CSMD1: variants seen among roughly 807,000 people sequenced by gnomAD.
CSMD1 encodes the protein CUB and sushi domain-containing protein 1.
A neutral mutation model predicts 417.5 loss-of-function variants in CSMD1; 213 were observed. The ratio of observed to expected loss-of-function variants is 0.51; its 90% confidence interval spans 0.46 to 0.57. The LOEUF (loss-of-function observed/expected upper bound fraction) is 0.57, where lower values mean the gene tolerates loss of function less well. Ranked by LOEUF, CSMD1 falls within the 20% of genes least tolerant of loss-of-function variation. The probability of loss-of-function intolerance (pLI) is 0.00; values close to 1 mark genes in which losing one functional copy is unlikely to be tolerated. For synonymous variants in CSMD1, 2,862 were observed against 1,736.8 expected, an observed-to-expected ratio of 1.65 and a Z score of -16.11; for missense variants, 6,923 against 4,529.7, an observed-to-expected ratio of 1.53 and a Z score of -15.17.
intron 5 of CSMD1, among the ~76,000 whole-genome samples, chr8:3,828,142 T>C (rs186699431): frequency 4.3e-4 from 65 of 152,284 alleles, no homozygotes; most frequent in South Asian, 1.7e-3. Flanking sequence ...AACATCCTAA[T>C]TGAAAGTCAC....
At chr8:3,201,114 T>G (rs1796968711) in intron 32 of CSMD1, among the ~76,000 whole-genome samples, 1 of 152,192 alleles carries the variant, frequency 6.6e-6, no homozygotes. Flanking sequence ...AGTTGTGAAA[T>G]AACATTCCAT....
intron 5 of CSMD1, among the ~76,000 whole-genome samples, chr8:3,981,433 A>G (rs1394108063): frequency 6.6e-6 from 1 of 151,066 alleles, no homozygotes. Flanking sequence ...GATCTCACAA[A>G]TCACCGCTAA....
At chr8:3,368,330 T>C (rs13259235) in intron 19 of CSMD1, among the ~76,000 whole-genome samples, 36,058 of 151,978 alleles carry the variant, frequency 0.24, 4,387 homozygotes, top group African/African-American at 0.3. Flanking sequence ...AAATTCCAAA[T>C]AGACTCTTGT....
At chr8:4,032,647 A>C (rs1300045642) in intron 3 of CSMD1, among the ~76,000 whole-genome samples, 1 of 152,238 alleles carries the variant, frequency 6.6e-6, no homozygotes, top group African/African-American at 2.4e-5. Flanking sequence ...GCATTGATCC[A>C]TCAATGTATA....
chr8:3,754,733 G>A (rs1797560283), intron 5 of CSMD1, among the ~76,000 whole-genome samples: 1 of 152,200 alleles, frequency 6.6e-6, no homozygotes, highest in Non-Finnish European at 1.5e-5. Context: ...TGGATTACAA[G>A]CGTGAGCCAC....
chr8:3,784,917 A>C (rs1292540553), intron 5 of CSMD1, among the ~76,000 whole-genome samples: 1 of 152,206 alleles, frequency 6.6e-6, no homozygotes, highest in Non-Finnish European at 1.5e-5. Flanking sequence ...TTTGTGGTCA[A>C]AACAAGTTTC....
intron 3 of CSMD1, among the ~76,000 whole-genome samples, chr8:4,181,811 A>G (rs529852047): frequency 3.6e-4 from 55 of 152,378 alleles, no homozygotes; most frequent in Non-Finnish European, 6.2e-4. Flanking sequence ...ACTATGCAGC[A>G]AATGCAAATG....
At chr8:3,216,198 G>C (rs1187322242) in intron 29 of CSMD1, among the ~76,000 whole-genome samples, 1 of 151,922 alleles carries the variant, frequency 6.6e-6, no homozygotes, top group Non-Finnish European at 1.5e-5. Context: ...TAAAATGGTA[G>C]CTGACATGTT....
chr8:3,665,251 T>C (rs1483338766), intron 7 of CSMD1, among the ~76,000 whole-genome samples: 1 of 152,178 alleles, frequency 6.6e-6, no homozygotes, highest in East Asian at 1.9e-4. Context: ...CCAGGCACAG[T>C]GGCTCACATC....
In CSMD1 at chr8:3,465,736, A is replaced by G. The variant is rs528327712; in HGVS notation, c.1561+2976T>C. ...GGCCTTTGGTAATGAGTGAGGTTAC[A>G]ATGATAGCTACTTTCTTAGGATGGA... is the stretch of plus-strand genomic sequence containing the variant. On this transcript the variant is annotated intron_variant, in intron 12 of 69. Transcript: ENST00000635120. Among the ~76,000 whole-genome samples, 16 of 152,312 alleles carry G rather than the reference A, an allele frequency of 1.1e-4. No homozygotes were observed. In the South Asian group the frequency reaches 2.9e-3, roughly 28 times the overall value.
intron 37 of CSMD1, among the ~76,000 whole-genome samples, chr8:3,174,139 G>T (rs1820758051): frequency 1.3e-5 from 2 of 152,198 alleles, no homozygotes; most frequent in South Asian, 4.1e-4. Context: ...GTAATCATCA[G>T]CACAGCGAAC....
At chr8:3,444,714 G>T (rs1331040609) in intron 12 of CSMD1, among the ~76,000 whole-genome samples, 2 of 152,106 alleles carry the variant, frequency 1.3e-5, no homozygotes, top group African/African-American at 4.8e-5. Flanking sequence ...TTCCTATTCT[G>T]AATGTAATAT....
intron 10 of CSMD1, among the ~76,000 whole-genome samples, chr8:3,529,886 G>T (rs953569590): frequency 6.6e-6 from 1 of 152,152 alleles, no homozygotes; most frequent in Non-Finnish European, 1.5e-5. Context: ...AGCAGGGCAA[G>T]CTGCTTATGG....
intron 21 of CSMD1, among the ~76,000 whole-genome samples, chr8:3,353,919 C>T (rs770610850): frequency 5.9e-5 from 9 of 152,092 alleles, no homozygotes; most frequent in Non-Finnish European, 5.9e-5. Context: ...TCAGTCAATT[C>T]TTCTGTACAA....
intron 1 of CSMD1, among the ~76,000 whole-genome samples, chr8:4,777,448 G>A (rs745561634): frequency 6.6e-6 from 1 of 152,046 alleles, no homozygotes; most frequent in Non-Finnish European, 1.5e-5. Flanking sequence ...CAATTGTTAG[G>A]GACAGATGTG....
intron 5 of CSMD1, among the ~76,000 whole-genome samples, chr8:3,816,178 T>C (rs531532043): frequency 2.0e-5 from 3 of 152,298 alleles, no homozygotes; most frequent in East Asian, 3.9e-4. Flanking sequence ...CTTCCCTCTG[T>C]GCTCTCTGCA....
At chr8:4,425,560 G>A (rs558062072) in intron 2 of CSMD1, among the ~76,000 whole-genome samples, 19 of 152,008 alleles carry the variant, frequency 1.2e-4, no homozygotes, top group African/African-American at 4.3e-4. Context: ...CTCACTCCTT[G>A]GTGGCTCACA....
chr8:4,263,402 T>C (rs912516249), intron 3 of CSMD1, among the ~76,000 whole-genome samples: 8 of 152,218 alleles, frequency 5.3e-5, no homozygotes, highest in Admixed American at 5.2e-4. Context: ...ACCACATTTC[T>C]ATTACATTCA....
chr8:3,832,023 C>A (rs1277745850), intron 5 of CSMD1, among the ~76,000 whole-genome samples: 1 of 152,136 alleles, frequency 6.6e-6, no homozygotes, highest in Non-Finnish European at 1.5e-5. Flanking sequence ...AAATCTCTGT[C>A]CTTCTCTGCG....
Sources: gnomAD v4.1 joint callset for allele counts (sites outside exome capture counted in the v4.1 genomes callset) on GRCh38, gnomAD v4.1.1 for gene constraint, MANE v1.5 for transcripts, NCBI Gene and HGNC (gene_info 2026-07-23, HGNC 2026-07-21) for gene names.